Variants in SLC22A15 observed in about 807,000 individuals in gnomAD.
The protein encoded by SLC22A15 is flipt 1.
In SLC22A15, 45 loss-of-function variants were observed where a neutral mutation model predicts 62.7. The observed-to-expected ratio is 0.72, with a 90% confidence interval of 0.56 to 0.92. The LOEUF is 0.92. SLC22A15 is among the 40% of genes least tolerant of loss of function. The probability of loss-of-function intolerance (pLI) is 0.00; values close to 1 mark genes in which losing one functional copy is unlikely to be tolerated. For missense variants in SLC22A15, 622 were observed against 665.6 expected (o/e 0.93, Z 0.72); for synonymous variants, 264 against 267.0 (o/e 0.99, Z 0.11).
At chr1:116,011,125 C>G (rs146242706) in intron 2 of SLC22A15, among the ~76,000 whole-genome samples, 1 of 152,314 alleles carries the variant, frequency 6.6e-6, no homozygotes, top group African/African-American at 2.4e-5. Flanking sequence ...ATACAGCAGC[C>G]AGCTGAGGGG....
intron 4 of SLC22A15, among the ~76,000 whole-genome samples, chr1:116,022,635 T>A (rs906446143): frequency 1.3e-5 from 2 of 152,222 alleles, no homozygotes; most frequent in Admixed American, 6.5e-5. Context: ...CCAACCCTGG[T>A]CTCTTGCTCT....
At chr1:116,016,534 A>G (rs938934690) in intron 2 of SLC22A15, among the ~76,000 whole-genome samples, 1 of 152,134 alleles carries the variant, frequency 6.6e-6, no homozygotes, top group Non-Finnish European at 1.5e-5. Flanking sequence ...CTGTATCTGT[A>G]GTTTCATAAA....
intron 2 of SLC22A15, among the ~76,000 whole-genome samples, chr1:116,001,720 G>C (rs1163597653): frequency 6.6e-6 from 1 of 151,860 alleles, no homozygotes; most frequent in African/African-American, 2.4e-5. Flanking sequence ...TATCTGACAG[G>C]ATTCTGAATT....
chr1:116,039,928 C>T (rs748863162), intron 8 of SLC22A15, among the ~76,000 whole-genome samples: 4 of 152,106 alleles, frequency 2.6e-5, no homozygotes, highest in Non-Finnish European at 5.9e-5. Flanking sequence ...AATGACCTAG[C>T]TGTTTGAAAA....
intron 3 of SLC22A15, among the ~76,000 whole-genome samples, chr1:116,020,254 A>AAC (rs1656751406): frequency 6.6e-6 from 1 of 151,402 alleles, no homozygotes; most frequent in African/African-American, 2.4e-5. Flanking sequence ...GTTAAAAAAA[A>AAC]AAAAAAACAC....
chr1:116,044,533 T>C (rs1270493280), intron 8 of SLC22A15, among the ~76,000 whole-genome samples: 1 of 152,216 alleles, frequency 6.6e-6, no homozygotes, highest in Non-Finnish European at 1.5e-5. Flanking sequence ...CAAAAAGTAC[T>C]AGTGAATATA....
intron 7 of SLC22A15, among the ~76,000 whole-genome samples, chr1:116,036,147 A>AT (rs1657622206): frequency 6.6e-6 from 1 of 152,086 alleles, no homozygotes; most frequent in Admixed American, 6.6e-5. Context: ...GATCCCTGTG[A>AT]TAGAGGCTAC....
At chr1:115,996,700 C>T (rs201730728) in intron 2 of SLC22A15, among the ~76,000 whole-genome samples, 2 of 40,400 alleles carry the variant, frequency 5.0e-5, no homozygotes, top group Non-Finnish European at 2.1e-4. Context: ...AATCTTGTAT[C>T]CTTTGATCTT....
intron 2 of SLC22A15, among the ~76,000 whole-genome samples, chr1:116,000,797 A>AT (rs1235437281): frequency 6.6e-6 from 1 of 151,488 alleles, no homozygotes; most frequent in Non-Finnish European, 1.5e-5. Flanking sequence ...TGCCCAGCTA[A>AT]TTTTTTGTAT....
At chr1:115,980,792 G>T (rs1654574513) in intron 1 of SLC22A15, among the ~76,000 whole-genome samples, 1 of 152,092 alleles carries the variant, frequency 6.6e-6, no homozygotes, top group South Asian at 2.1e-4. Context: ...TTTGTTAATT[G>T]TGATAGTAGT....
At chr1:116,046,735 C>T (rs935866932) in intron 8 of SLC22A15, among the ~76,000 whole-genome samples, 2 of 152,164 alleles carry the variant, frequency 1.3e-5, no homozygotes, top group Admixed American at 6.5e-5. Flanking sequence ...GCCCCAATTT[C>T]GGAAGTGGGA....
intron 4 of SLC22A15, among the ~76,000 whole-genome samples, chr1:116,021,189 C>T (rs569506443): frequency 1.3e-5 from 2 of 152,324 alleles, no homozygotes; most frequent in East Asian, 3.9e-4. Context: ...ATTTTTACAA[C>T]TTAAACTGAA....
intron 8 of SLC22A15, among the ~76,000 whole-genome samples, chr1:116,045,206 G>C (rs1657898810): frequency 6.6e-6 from 1 of 151,850 alleles, no homozygotes; most frequent in Non-Finnish European, 1.5e-5. Context: ...ATCATGCCCA[G>C]CTAATTTTTT....
In SLC22A15 at chr1:116,026,929, C is replaced by A; in HGVS notation, c.635C>A (p.Ala212Asp). 6.2e-7 allele frequency: 1 copy of A among 1,613,684 alleles called. No individual in the cohort carries two copies. Among genetic ancestry groups the A allele is most frequent in the Non-Finnish European group, 8.5e-7 (1 of 1,179,764 alleles). ...GGCCTGTTCTTTGCAGTTGGCATTG[C>A]CCAATATGCCCTGTTAGGATACTTC... is the stretch of plus-strand genomic sequence containing the variant. ...IGGLFFAVGI[A>D]QYALLGYFIR... The change falls in exon 5 of 12, where the codon GCC (alanine) becomes GAC (aspartate). Residue 212 changes from alanine to aspartate, a missense_variant. By Grantham distance (126) the Ala-to-Asp change is moderately radical (BLOSUM62 -2). Transcript: ENST00000369503.
At chr1:116,019,512 T>A (rs1656710581) in intron 2 of SLC22A15, 70 bp from the exon 3 acceptor site, 1 of 1,456,938 alleles carries the variant, frequency 6.9e-7, no homozygotes, top group Admixed American at 2.7e-5. Context: ...TACAAGTTTT[T>A]GTTGCACATT....
chr1:116,067,083 A>T lies in SLC22A15; in HGVS notation c.1619A>T (p.Asp540Val). 1 of 1,612,164 alleles carries T rather than the reference A, an allele frequency of 6.2e-7. No individual in the cohort carries two copies. Among genetic ancestry groups the T allele is most frequent in the Non-Finnish European group, 8.5e-7 (1 of 1,179,242 alleles). Reference sequence around the variant, plus strand: ...GAAGAGGAAGAATTTTATGATGCAGATGAAGAGACTCAGATGATCAAGTGA... The same window carrying T: ...GAAGAGGAAGAATTTTATGATGCAGTTGAAGAGACTCAGATGATCAAGTGA... ...SEEEEEFYDADEETQMIK is the reference protein window; with the variant it reads ...SEEEEEFYDAVEETQMIK The change falls in exon 12 of 12, where the codon GAT becomes GTT. Residue 540 changes from aspartate to valine, a missense_variant. Asp to Val is a radical substitution (Grantham distance 152). Coordinates refer to ENST00000369503, the MANE Select transcript of SLC22A15 (RefSeq NM_018420.3).
chr1:116,052,874 C>T (rs1225282825), intron 8 of SLC22A15, among the ~76,000 whole-genome samples: 1 of 152,074 alleles, frequency 6.6e-6, no homozygotes, highest in African/African-American at 2.4e-5. Flanking sequence ...AACTAACAAA[C>T]AGAAAGGACA....
Position 116,011,207 on chromosome 1 carries a change from C to G in SLC22A15, c.301-8375C>G, listed in dbSNP as rs576159854. Among the ~76,000 whole-genome samples, 197 of 152,326 alleles carry G rather than the reference C, an allele frequency of 1.3e-3. 1 individual carries two copies. Among genetic ancestry groups the G allele is most frequent in the South Asian group, 0.01 (49 of 4,834 alleles). ...GTTCCTTGATATACTGTGAATCATC[C>G]ATGGCACATTTCTTATCCCTGCATG... On this transcript the variant is annotated intron_variant, in intron 2 of 11. Coordinates refer to ENST00000369503, the MANE Select transcript of SLC22A15 (RefSeq NM_018420.3).
chr1:116,009,634 C>T (rs1478813762), intron 2 of SLC22A15, among the ~76,000 whole-genome samples: 1 of 152,170 alleles, frequency 6.6e-6, no homozygotes, highest in Admixed American at 6.5e-5. Context: ...AAACTAAAAC[C>T]TCCACTTAAT....
Sources: gnomAD v4.1 joint callset for allele counts (sites outside exome capture counted in the v4.1 genomes callset) on GRCh38, gnomAD v4.1.1 for gene constraint, MANE v1.5 for transcripts, NCBI Gene and HGNC (gene_info 2026-07-23, HGNC 2026-07-21) for gene names.